The following LRCH3 variants were observed in gnomAD, a reference collection of about 807,000 sequenced individuals.
LRCH3 encodes the protein DISP complex protein LRCH3.
In LRCH3, 68 loss-of-function variants were observed where a neutral mutation model predicts 104.5. The observed-to-expected ratio is 0.65, with a 90% CI of 0.54 to 0.80. The LOEUF is 0.80. Among genes scored for constraint, LRCH3 ranks in the 30% least tolerant of loss-of-function variants. The pLI is 0.00. For missense variants in LRCH3, 951 were observed against 953.9 expected, an observed-to-expected ratio of 1.00 and a Z score of 0.04; for synonymous variants, 344 against 361.3, an observed-to-expected ratio of 0.95 and a Z score of 0.54.
At chr3:197,822,282 G>A (rs1734582633) in intron 4 of LRCH3, among the ~76,000 whole-genome samples, 1 of 152,068 alleles carries the variant, frequency 6.6e-6, no homozygotes, top group South Asian at 2.1e-4. Context: ...ATGAAGGTTA[G>A]CAAAACCAAA....
intron 1 of LRCH3, among the ~76,000 whole-genome samples, chr3:197,804,634 G>T (rs756602014): frequency 1.4e-4 from 21 of 152,126 alleles, no homozygotes; most frequent in Non-Finnish European, 2.6e-4. Context: ...TTTGTTTCTA[G>T]TACCTACTTT....
intron 9 of LRCH3, among the ~76,000 whole-genome samples, chr3:197,838,154 T>C (rs953429622): frequency 2.6e-5 from 4 of 151,644 alleles, no homozygotes; most frequent in East Asian, 1.9e-4. Flanking sequence ...GCCTGGTGGC[T>C]CCTTCCTGTA....
chr3:197,822,844 CTG>C (rs1203160091), intron 4 of LRCH3: 1 of 148,350 alleles, frequency 6.7e-6, no homozygotes, highest in Admixed American at 6.7e-5. Flanking sequence ...GAGTCTCACT[CTG>C]TCACGCAGGC....
At chr3:197,860,021 C>T (rs1397363367) in intron 15 of LRCH3, among the ~76,000 whole-genome samples, 1 of 152,148 alleles carries the variant, frequency 6.6e-6, no homozygotes, top group East Asian at 1.9e-4. Context: ...CTTCATTTTG[C>T]TCAGTATCCA....
chr3:197,835,151 C>T (rs1052977148), intron 8 of LRCH3, among the ~76,000 whole-genome samples: 2 of 151,748 alleles, frequency 1.3e-5, no homozygotes, highest in Admixed American at 1.3e-4. Context: ...CTCAAAAAAA[C>T]AAAACAAAAT....
Position 197,865,439 on chromosome 3 carries a change from A to G in LRCH3, c.1733A>G (p.Asn578Ser). 6.4e-7 allele frequency: 1 copy of G among 1,567,872 alleles called. No homozygotes were observed. The highest frequency in any genetic ancestry group is 8.6e-7 in the Non-Finnish European group (1 of 1,156,184). ...FTPLKSDDRP[N>S]ALLSSPATET... ...TCTCCACAGAGTGATGACAGACCTA[A>G]TGCTCTATTAAGTTCACCTGCAACA... Residue 578 changes from asparagine to serine, a missense_variant, in exon 16 of 21, where the codon AAT (asparagine) becomes AGT (serine). Physicochemically the swap from Asn to Ser is conservative, Grantham distance 46. Transcript: ENST00000425562.
chr3:197,870,281 A>C lies in LRCH3; in HGVS notation c.1992+3A>C, dbSNP rs768194807. 1 of 1,611,578 alleles carries C rather than the reference A, an allele frequency of 6.2e-7. No homozygotes were observed. Among genetic ancestry groups the C allele is most frequent in the African/African-American group, 1.3e-5 (1 of 74,894 alleles). The stretch of plus-strand genomic sequence containing the variant: ...AATTAATAGACCAACTGCGTAAAGT[A>C]TGTACATTACCTTTGATTTACACTT... On this transcript the variant is annotated splice_donor_region_variant and intron_variant, in intron 18 of 20. Coordinates refer to ENST00000425562, the MANE Select transcript of LRCH3 (RefSeq NM_001365715.1).
intron 10 of LRCH3, among the ~76,000 whole-genome samples, chr3:197,843,111 G>T (rs1046204203): frequency 6.6e-6 from 1 of 150,912 alleles, no homozygotes. Flanking sequence ...AAATTATAGG[G>T]CCTACTTATA....
At chr3:197,792,219 A>C (rs1393681802) in intron 1 of LRCH3, among the ~76,000 whole-genome samples, 3 of 151,812 alleles carry the variant, frequency 2.0e-5, no homozygotes, top group African/African-American at 7.3e-5. Flanking sequence ...AAATAACTAG[A>C]GCCCACTTTC....
chr3:197,858,029 C>T (rs1374344272), intron 14 of LRCH3, among the ~76,000 whole-genome samples: 2 of 152,064 alleles, frequency 1.3e-5, no homozygotes, highest in Non-Finnish European at 2.9e-5. Context: ...CTTATAAAGA[C>T]TTCACTATTT....
At chr3:197,867,046 G>A (rs1394780847) in intron 17 of LRCH3, among the ~76,000 whole-genome samples, 1 of 151,996 alleles carries the variant, frequency 6.6e-6, no homozygotes, top group East Asian at 2.0e-4. Flanking sequence ...AGGCCAAGGC[G>A]AGCAGATCAC....
chr3:197,845,091 G>T (rs1371318756), intron 10 of LRCH3, among the ~76,000 whole-genome samples: 2 of 152,128 alleles, frequency 1.3e-5, no homozygotes, highest in African/African-American at 4.8e-5. Context: ...TGGAAACAAT[G>T]GGTTTGACTG....
chr3:197,815,885 T>A (rs1733739456), intron 2 of LRCH3, among the ~76,000 whole-genome samples: 1 of 152,242 alleles, frequency 6.6e-6, no homozygotes, highest in Non-Finnish European at 1.5e-5. Context: ...TTATAAGTGA[T>A]CTTTTCCTTC....
At position 197,852,634 on chromosome 3, in the gene LRCH3, ATCTCCTTTTC is replaced by A; in HGVS notation, c.1590+16_1590+25del. 6.2e-7 allele frequency: 1 copy of A among 1,612,692 alleles called. No individual in the cohort carries two copies. Among genetic ancestry groups the A allele is most frequent in the South Asian group, 1.1e-5 (1 of 90,978 alleles). On this transcript the variant is annotated intron_variant, in intron 13 of 20. Coordinates refer to ENST00000425562, the MANE Select transcript of LRCH3 (RefSeq NM_001365715.1). Reference sequence around the variant, plus strand: ...GTAGATGGTGAGGTAAGTTGATGTAATCTCCTTTTCTTTGGAGTTGATTATTTTTGCAATG... The same window carrying A: ...GTAGATGGTGAGGTAAGTTGATGTAATTTGGAGTTGATTATTTTTGCAATG...
intron 8 of LRCH3, among the ~76,000 whole-genome samples, chr3:197,834,453 C>T: frequency 6.6e-6 from 1 of 152,156 alleles, no homozygotes; most frequent in Non-Finnish European, 1.5e-5. Flanking sequence ...TTTGTTTCTG[C>T]TTAATTGACA....
rs149398042 is a variant in LRCH3, at chr3:197,875,806, A to G, written c.2208+31A>G. ...AAATTTATCATTTTTTATGTTGCCT[A>G]AATAGACTTGGTTGTCCTAAAATTT... On this transcript the variant is annotated intron_variant, in intron 20 of 20. Transcript: ENST00000425562. 1.0e-5 allele frequency: 14 copies of G among 1,385,288 alleles called. No individual in the cohort carries two copies. The African/African-American group carries it at 1.7e-4, about 17-fold the overall frequency. The allele number at this position is 1,385,288 out of a possible 1,614,324, so 85.8% of individuals were successfully genotyped here.
intron 1 of LRCH3, among the ~76,000 whole-genome samples, chr3:197,803,661 TAA>T (rs1231318383): frequency 1.4e-5 from 2 of 142,838 alleles, no homozygotes; most frequent in Non-Finnish European, 1.5e-5. Context: ...TGAGACTGTT[TAA>T]AAAAAAAAAA....
intron 15 of LRCH3, chr3:197,859,425 A>G (rs1740630593): frequency 6.5e-6 from 1 of 154,918 alleles, no homozygotes; most frequent in Non-Finnish European, 1.4e-5. Context: ...TGTGACCAAC[A>G]TCATATACCT....
chr3:197,816,521 C>G (rs1320158943), intron 2 of LRCH3, among the ~76,000 whole-genome samples: 1 of 152,208 alleles, frequency 6.6e-6, no homozygotes, highest in East Asian at 1.9e-4. Flanking sequence ...CTCCGGTGAT[C>G]CACCTGCCTT....
Sources: gnomAD v4.1 joint callset for allele counts (sites outside exome capture counted in the v4.1 genomes callset) on GRCh38, gnomAD v4.1.1 for gene constraint, MANE v1.5 for transcripts, NCBI Gene and HGNC (gene_info 2026-07-23, HGNC 2026-07-21) for gene names.